The following RFPL4A variants were observed in gnomAD, a reference collection of about 807,000 sequenced individuals.
RFPL4A encodes the protein ret finger protein-like 4A.
Under a neutral mutation model 8.3 loss-of-function variants are expected in RFPL4A, and 4 were observed. The observed-to-expected ratio is 0.48, with a 90% confidence interval of 0.24 to 1.10. The LOEUF (loss-of-function observed/expected upper bound fraction) is 1.10, where lower values mean the gene tolerates loss of function less well. Among genes scored for constraint, RFPL4A ranks in the 50% least tolerant of loss-of-function variants. The pLI is 0.18. For missense variants in RFPL4A, 111 were observed against 358.7 expected, an observed-to-expected ratio of 0.31 and a Z score of 5.58; for synonymous variants, 43 against 136.6, an observed-to-expected ratio of 0.31 and a Z score of 4.78.
rs1171551750 is a variant in RFPL4A, at chr19:55,762,055, A to T, written c.255A>T (p.Leu85=). The T allele has an allele frequency of 1.2e-5, 17 of 1,478,160 alleles. 1 individual carries two copies. The South Asian group carries it at 2.2e-4, about 19-fold the overall frequency. 91.6% of individuals were successfully genotyped at this position (1,478,160 alleles called of 1,614,324 possible). A position where few individuals can be genotyped will look rare whatever the true frequency, so the allele number is the denominator to read the frequency against. Residue 85 remains leucine, a synonymous_variant, in exon 2 of 3, where the codon CTA becomes CTT. Coordinates refer to ENST00000434937, the MANE Select transcript of RFPL4A (RefSeq NM_001145014.2). ...KELEPKLKSV[L]TMNPRMRKFQ... is the part of the protein sequence containing the mutation. The stretch of plus-strand genomic sequence containing the variant: ...TAGAGCCCAAGCTGAAATCTGTTCT[A>T]ACAATGAACCCAAGGATGAGGAAGT...
intron 1 of RFPL4A, 70 bp from the exon 2 acceptor site, chr19:55,761,722 G>T: frequency 6.9e-7 from 1 of 1,450,680 alleles, no homozygotes; most frequent in South Asian, 1.3e-5. Flanking sequence ...AAAGATAAAA[G>T]CCCCAAACAC....
intron 1 of RFPL4A, among the ~76,000 whole-genome samples, chr19:55,760,835 T>A (rs1445581865): frequency 6.6e-6 from 1 of 151,578 alleles, no homozygotes; most frequent in Non-Finnish European, 1.5e-5. Context: ...CCACACAGTA[T>A]TCCTGCCTCA....
At chr19:55,758,818 C>T (rs1205718163), upstream of RFPL4A, among the ~76,000 whole-genome samples, 121 of 149,408 alleles carry the variant, frequency 8.1e-4, no homozygotes, top group African/African-American at 3.0e-3. Flanking sequence ...TTAAATGTCA[C>T]CCCAAATTTT....
At chr19:55,762,212 C>G (rs1001261630) in intron 2 of RFPL4A, 126 bp downstream of exon 2, 2 of 632,928 alleles carry the variant, frequency 3.2e-6, no homozygotes, top group African/African-American at 1.9e-5. Flanking sequence ...GCTTCACAAA[C>G]AACAGCAGTT....
chr19:55,757,309 C>G (rs182257603), upstream of RFPL4A, among the ~76,000 whole-genome samples: 287 of 151,868 alleles, frequency 1.9e-3, 3 homozygotes, highest in East Asian at 2.5e-3. Context: ...GCCCACATGG[C>G]ACATCTATAC....
Position 55,763,107 on chromosome 19 carries a change from A to G in RFPL4A, c.796A>G (p.Ile266Val). 6.5e-7 allele frequency: 1 copy of G among 1,548,002 alleles called. No homozygotes were observed. Among genetic ancestry groups the G allele is most frequent in the Non-Finnish European group, 8.7e-7 (1 of 1,146,440 alleles). ...ACGTGGAAGTCAAGATGATCAGAGCATCCTGAGTATCTGTTCTGTGATCAA... is the reference window on the plus strand; with the variant it reads ...ACGTGGAAGTCAAGATGATCAGAGCGTCCTGAGTATCTGTTCTGTGATCAA... Reference protein sequence around the residue: ...HKRGSQDDQSILSICSVINPS... With the variant: ...HKRGSQDDQSVLSICSVINPS... The change falls in exon 3 of 3, where the codon ATC becomes GTC. Residue 266 changes from isoleucine (I) to valine (V), a missense_variant. By Grantham distance (29) the Ile-to-Val change is conservative. Transcript: ENST00000434937.
rs1391753206 is a variant in RFPL4A at position 55,762,876 on chromosome 19, G to A, written c.565G>A (p.Val189Met). The A allele has an allele frequency of 6.5e-7, 1 of 1,531,524 alleles. No homozygotes were observed. Among genetic ancestry groups the A allele is most frequent in the Non-Finnish European group, 8.8e-7 (1 of 1,132,584 alleles). 94.9% of individuals were successfully genotyped at this position (1,531,524 alleles called of 1,614,324 possible). Residue 189 changes from valine (V) to methionine (M), a missense_variant, in exon 3 of 3, where the codon GTG (valine) becomes ATG (methionine). By Grantham distance (21) the Val-to-Met change is conservative. Transcript: ENST00000434937. Reference sequence around the variant, plus strand: ...TTCTTCAGAACACGGCTTCTTGACTGTGGGTTGCAGAGAAGGAAAGGTCTT... The same window carrying A: ...TTCTTCAGAACACGGCTTCTTGACTATGGGTTGCAGAGAAGGAAAGGTCTT... ...VLSSEHGFLTVGCREGKVFAA... is the reference protein window; with the variant it reads ...VLSSEHGFLTMGCREGKVFAA...
At chr19:55,757,527 T>C (rs927320464), upstream of RFPL4A, among the ~76,000 whole-genome samples, 5 of 151,456 alleles carry the variant, frequency 3.3e-5, no homozygotes, top group African/African-American at 1.2e-4. Flanking sequence ...GAAGGACAGG[T>C]TTTTATTCAA....
intron 1 of RFPL4A, among the ~76,000 whole-genome samples, chr19:55,761,021 T>G (rs968406067): frequency 7.0e-6 from 1 of 142,918 alleles, no homozygotes; most frequent in Admixed American, 6.9e-5. Flanking sequence ...CTTATATATT[T>G]TGGATATTAA....
At chr19:55,761,073 T>G (rs2122391722) in intron 1 of RFPL4A, among the ~76,000 whole-genome samples, 1 of 134,168 alleles carries the variant, frequency 7.5e-6, no homozygotes, top group African/African-American at 2.8e-5. Flanking sequence ...TTTTCATTAG[T>G]TCTGGTTTTT....
rs4801626 is a variant in RFPL4A at position 55,763,094 on chromosome 19, A to G, written c.783A>G (p.Gln261=). 0.21 allele frequency: 313,960 copies of G among 1,497,960 alleles called. 272 individuals are homozygous for G. Among genetic ancestry groups the G allele is most frequent in the Non-Finnish European group, 0.24 (263,973 of 1,109,226 alleles). The allele number at this position is 1,497,960 out of a possible 1,614,324, so 92.8% of individuals were successfully genotyped here. ...TTTTTGCTCATAAACGTGGAAGTCA[A>G]GATGATCAGAGCATCCTGAGTATCT... is the stretch of plus-strand genomic sequence containing the variant. ...RPFFAHKRGS[Q]DDQSILSICS... Residue 261 remains glutamine, a synonymous_variant, in exon 3 of 3, where the codon CAA becomes CAG. Transcript: ENST00000434937.
At chr19:55,761,721 A>C (rs1989286357) in intron 1 of RFPL4A, 71 bp from the exon 2 acceptor site, 1 of 1,446,174 alleles carries the variant, frequency 6.9e-7, no homozygotes, top group Non-Finnish European at 9.4e-7. Flanking sequence ...TAAAGATAAA[A>C]GCCCCAAACA....
rs1989316773 is a variant in RFPL4A, at chr19:55,762,789, AG to A, written c.479del (p.Ser160ThrfsTer13). On this transcript the variant is annotated frameshift_variant, in exon 3 of 3. Transcript: ENST00000434937. LOFTEE classifies it low-confidence loss of function (END_TRUNC). ...RHYWEVDVGT[S>X]QVWDVGVCKE... ...TTACTGGGAGGTGGACGTGGGCACC[AG>A]CCAAGTGTGGGATGTGGGCGTGTGC... is the stretch of plus-strand genomic sequence containing the variant. The A allele has an allele frequency of 6.5e-7, 1 of 1,541,586 alleles. No individual in the cohort carries two copies. The highest frequency in any genetic ancestry group is 8.8e-7 in the Non-Finnish European group (1 of 1,140,528).
rs569591290 is a variant in RFPL4A at position 55,761,085 on chromosome 19, C to CTTTTTTTTTTTTTTTTTTTTT, written c.-9-692_-9-691insTTTTTTTTTTTTTTTTTTTTT. On this transcript the variant is annotated intron_variant, in intron 1 of 2. Coordinates refer to ENST00000434937, the MANE Select transcript of RFPL4A (RefSeq NM_001145014.2). Reference sequence around the variant, plus strand: ...TGTTTTTCATTAGTTCTGGTTTTTCCTTTTTTTTTTTTTTTCCGCTATGCA... The same window carrying CTTTTTTTTTTTTTTTTTTTTT: ...TGTTTTTCATTAGTTCTGGTTTTTCCTTTTTTTTTTTTTTTTTTTTTTTTTTTTTTTTTTTTCCGCTATGCA... Among the ~76,000 whole-genome samples the CTTTTTTTTTTTTTTTTTTTTT allele has an allele frequency of 2.1e-5, 2 of 94,556 alleles. 1 individual carries two copies. The highest frequency in any genetic ancestry group is 6.9e-5 in the African/African-American group (2 of 29,012). The allele number at this position is 94,556 out of a possible 152,430, so 62.0% of individuals were successfully genotyped here. A position where few individuals can be genotyped will look rare whatever the true frequency, so the allele number is the denominator to read the frequency against.
intron 1 of RFPL4A, among the ~76,000 whole-genome samples, chr19:55,760,627 T>G (rs1009106190): frequency 3.3e-5 from 5 of 151,472 alleles, no homozygotes. Context: ...GCAGAATGTG[T>G]GATTTAGTGT....
At chr19:55,758,930 T>C (rs1989228038), upstream of RFPL4A, 1 of 150,898 alleles carries the variant, frequency 6.6e-6, no homozygotes, top group Admixed American at 6.6e-5. Flanking sequence ...TTGTCCTTGT[T>C]AATTAAAAAA....
intron 1 of RFPL4A, among the ~76,000 whole-genome samples, chr19:55,760,594 A>T (rs946413814): frequency 6.6e-6 from 1 of 151,608 alleles, no homozygotes; most frequent in Non-Finnish European, 1.5e-5. Flanking sequence ...ACATATGGGC[A>T]TGCTGGGGTC....
At chr19:55,758,457 T>C (rs1387044401), upstream of RFPL4A, among the ~76,000 whole-genome samples, 6 of 151,964 alleles carry the variant, frequency 3.9e-5, no homozygotes, top group East Asian at 1.9e-4. Context: ...TTTTTGAACA[T>C]TTTTAAAGAG....
rs1043983907 is a variant in RFPL4A at position 55,760,802 on chromosome 19, A to G, written c.-9-990A>G. Among the ~76,000 whole-genome samples the G allele has an allele frequency of 4.0e-5, 6 of 151,510 alleles. 1 individual carries two copies. The highest frequency in any genetic ancestry group is 8.8e-5 in the Non-Finnish European group (6 of 68,006). On this transcript the variant is annotated intron_variant, in intron 1 of 2. Transcript: ENST00000434937. ...TGGTCCTATGTGAAAATGTCACTGG[A>G]TACGTTCTCGATTCTCTTGTGACCA...
Sources: allele counts gnomAD v4.1 joint callset (sites outside exome capture counted in the v4.1 genomes callset), GRCh38; gene constraint gnomAD v4.1.1; transcripts MANE v1.5; gene names NCBI Gene and HGNC (gene_info 2026-07-23, HGNC 2026-07-21).